The following ABCD2 variants were observed in gnomAD, a reference collection of about 807,000 sequenced individuals.
ABCD2 encodes ATP binding cassette subfamily D member 2.
In ABCD2, 36 loss-of-function variants were observed where a neutral mutation model predicts 70.9. That is an observed-to-expected ratio of 0.51 (90% CI 0.39 to 0.67). The LOEUF (loss-of-function observed/expected upper bound fraction) is 0.67. Ranked by LOEUF, ABCD2 falls within the 30% of genes least tolerant of loss-of-function variation. The pLI is 0.00. For synonymous variants in ABCD2, 304 were observed against 306.9 expected, an observed-to-expected ratio of 0.99 and a Z score of 0.10; for missense variants, 729 against 890.2, an observed-to-expected ratio of 0.82 and a Z score of 2.30.
At chr12:39,593,505 G>C (rs144349383) in intron 6 of ABCD2, among the ~76,000 whole-genome samples, 1 of 152,118 alleles carries the variant, frequency 6.6e-6, no homozygotes, top group Non-Finnish European at 1.5e-5. Context: ...TCCAACCTCA[G>C]CCTCCTAAAG....
At chr12:39,618,608 G>T in intron 1 of ABCD2, 69 bp downstream of exon 1, 2 of 1,400,122 alleles carry the variant, frequency 1.4e-6, no homozygotes, top group South Asian at 1.3e-5. Context: ...GACAACAGAT[G>T]GTATCTGGCA....
chr12:39,532,690 C>T, the ABCD2 span, among the ~76,000 whole-genome samples: 20 of 151,942 alleles, frequency 1.3e-4, no homozygotes, highest in South Asian at 4.2e-4. Context: ...ATTAAGATAC[C>T]GATCAACAGT....
Position 39,619,490 on chromosome 12 carries a change from C to G in ABCD2, c.126G>C (p.Lys42Asn), listed in dbSNP as rs142507537. ...ALKTLYPIIG[K>N]RLKQSGHGKK... ...TCCCGTGGCCAGATTGCTTTAAACGCTTGCCAATGATGGGATAGAGGGTTT... is the reference window on the plus strand; with the variant it reads ...TCCCGTGGCCAGATTGCTTTAAACGGTTGCCAATGATGGGATAGAGGGTTT... Residue 42 changes from lysine (K) to asparagine (N), a missense_variant, in exon 1 of 10, where the codon AAG becomes AAC. Transcript: ENST00000308666. The G allele has an allele frequency of 3.7e-5, 59 of 1,613,270 alleles. No individual in the cohort carries two copies. The African/African-American group carries it at 7.3e-4, about 20-fold the overall frequency.
chr12:39,586,840 C>T (rs1941672867), intron 6 of ABCD2, among the ~76,000 whole-genome samples: 1 of 152,038 alleles, frequency 6.6e-6, no homozygotes. Context: ...ACAAACAAAA[C>T]AAAAAAATTT....
the ABCD2 span, among the ~76,000 whole-genome samples, chr12:39,534,297 A>G: frequency 6.6e-6 from 1 of 152,188 alleles, no homozygotes; most frequent in African/African-American, 2.4e-5. Context: ...GTTAAACACA[A>G]TTTGAAACTT....
chr12:39,565,098 A>T (rs1373565788), intron 9 of ABCD2, among the ~76,000 whole-genome samples: 1 of 152,150 alleles, frequency 6.6e-6, no homozygotes, highest in Non-Finnish European at 1.5e-5. Flanking sequence ...CTTAGGATCG[A>T]CTTGGCAATA....
intron 2 of ABCD2, among the ~76,000 whole-genome samples, chr12:39,612,423 AAC>A (rs1410767274): frequency 1.3e-5 from 2 of 152,236 alleles, no homozygotes; most frequent in Non-Finnish European, 2.9e-5. Context: ...TATACTCAGT[AAC>A]ACTGATGAAG....
intron 8 of ABCD2, among the ~76,000 whole-genome samples, chr12:39,575,180 G>C (rs1941499528): frequency 6.6e-6 from 1 of 152,184 alleles, no homozygotes; most frequent in African/African-American, 2.4e-5. Context: ...TCTTTCCAGT[G>C]ATTAACATGT....
At chr12:39,584,953 A>G (rs993710714) in intron 7 of ABCD2, among the ~76,000 whole-genome samples, 5 of 152,198 alleles carry the variant, frequency 3.3e-5, no homozygotes, top group African/African-American at 9.7e-5. Flanking sequence ...GGGCAGCATG[A>G]TGCCTCCAGC....
At chr12:39,607,534 T>C (rs905646581) in intron 3 of ABCD2, 65 bp downstream of exon 3, 6 of 1,317,888 alleles carry the variant, frequency 4.6e-6, no homozygotes, top group Non-Finnish European at 6.5e-6. Context: ...TACTTGGTAA[T>C]TGACATTTTG....
intron 5 of ABCD2, among the ~76,000 whole-genome samples, 184 bp from the exon 6 acceptor site, chr12:39,600,900 A>T (rs1332728312): frequency 6.6e-6 from 1 of 152,164 alleles, no homozygotes; most frequent in Admixed American, 6.5e-5. Flanking sequence ...TGAAGCTAAA[A>T]GCATCATAAA....
chr12:39,562,447 G>C (rs1029183475), intron 9 of ABCD2, among the ~76,000 whole-genome samples: 6 of 151,322 alleles, frequency 4.0e-5, no homozygotes, highest in African/African-American at 1.5e-4. Context: ...TGTTTATCTA[G>C]AATAAGAAAA....
At chr12:39,601,333 T>A (rs1029156262) in intron 5 of ABCD2, among the ~76,000 whole-genome samples, 2 of 151,708 alleles carry the variant, frequency 1.3e-5, no homozygotes, top group Admixed American at 6.6e-5. Flanking sequence ...TTTAGTCTCA[T>A]GTCTAGGGAT....
In ABCD2 at chr12:39,619,689, A is replaced by C. The variant is rs1331379140; in HGVS notation, c.-74T>G. The stretch of plus-strand genomic sequence containing the variant: ...CATGCTTCACAGAAATCCCCAGCAA[A>C]TGTTTTAGAAAGTCCTACAGCGTCC... On this transcript the variant is annotated 5_prime_UTR_variant, in exon 1 of 10. Coordinates refer to ENST00000308666, the MANE Select transcript of ABCD2 (RefSeq NM_005164.4). The C allele has an allele frequency of 1.5e-6, 2 of 1,364,080 alleles. No homozygotes were observed. The highest frequency in any genetic ancestry group is 2.0e-6 in the Non-Finnish European group (2 of 1,005,360). The allele number at this position is 1,364,080 out of a possible 1,614,324, so 84.5% of individuals were successfully genotyped here. A position where few individuals can be genotyped will look rare whatever the true frequency, so the allele number is the denominator to read the frequency against.
chr12:39,542,505 A>G, the ABCD2 span, among the ~76,000 whole-genome samples: 1 of 151,910 alleles, frequency 6.6e-6, no homozygotes, highest in Non-Finnish European at 1.5e-5. Flanking sequence ...TAATGAATGG[A>G]TGTAGAGAGA....
intron 2 of ABCD2, 114 bp downstream of exon 2, chr12:39,616,874 T>C: frequency 3.2e-6 from 3 of 935,506 alleles, no homozygotes; most frequent in Non-Finnish European, 4.5e-6. Context: ...TTTCGGACCA[T>C]TGTTAACTAG....
chr12:39,594,617 ATAC>A (rs1293633475), intron 6 of ABCD2, among the ~76,000 whole-genome samples: 1 of 152,176 alleles, frequency 6.6e-6, no homozygotes, highest in African/African-American at 2.4e-5. Context: ...AAACATAAAT[ATAC>A]TAGTACTTGT....
chr12:39,611,713 T>G (rs1942047273), intron 2 of ABCD2, among the ~76,000 whole-genome samples: 1 of 152,068 alleles, frequency 6.6e-6, no homozygotes, highest in South Asian at 2.1e-4. Context: ...TAAACTATAG[T>G]AAAAGTATGA....
rs1942070568 is a variant in ABCD2 at position 39,613,271 on chromosome 12, A to G, written c.1120+3717T>C. Among the ~76,000 whole-genome samples, 2 of 120,840 alleles carry G rather than the reference A, an allele frequency of 1.7e-5. 1 individual carries two copies. Among genetic ancestry groups the G allele is most frequent in the Non-Finnish European group, 3.3e-5 (2 of 60,742 alleles). 79.3% of individuals were successfully genotyped at this position (120,840 alleles called of 152,430 possible). A position where few individuals can be genotyped will look rare whatever the true frequency, so the allele number is the denominator to read the frequency against. On this transcript the variant is annotated intron_variant, in intron 2 of 9. Coordinates refer to ENST00000308666, the MANE Select transcript of ABCD2 (RefSeq NM_005164.4). ...CGTAGTGGCGGGCGCCTGTAGTCCC[A>G]GCTACTTGGGAGGCTGAGGCAGGAG...
Sources: gnomAD v4.1 joint callset for allele counts (sites outside exome capture counted in the v4.1 genomes callset) on GRCh38, gnomAD v4.1.1 for gene constraint, MANE v1.5 for transcripts, NCBI Gene and HGNC (gene_info 2026-07-23, HGNC 2026-07-21) for gene names.